Variants in MAPRE2 observed in about 807,000 individuals in gnomAD.
MAPRE2 encodes the protein microtubule associated protein RP/EB family member 2.
In MAPRE2, 13 loss-of-function variants were observed where a neutral mutation model predicts 43.2. The ratio of observed to expected loss-of-function variants is 0.30; its 90% CI spans 0.20 to 0.48. The LOEUF (loss-of-function observed/expected upper bound fraction) is 0.48. MAPRE2 is among the 20% of genes least tolerant of loss of function. The pLI is 0.99. For synonymous variants in MAPRE2, 135 were observed against 148.8 expected, an observed-to-expected ratio of 0.91 and a Z score of 0.68; for missense variants, 161 against 400.2, an observed-to-expected ratio of 0.40 and a Z score of 5.10.
rs986507427 is a variant in MAPRE2 at position 35,131,940 on chromosome 18, T to C, written c.751-92T>C. On this transcript the variant is annotated intron_variant, in intron 5 of 6. Coordinates refer to ENST00000300249, the MANE Select transcript of MAPRE2 (RefSeq NM_014268.4). Reference sequence around the variant, plus strand: ...TTGGTTATTTCTGCTTCTCTCTCTCTCTCTCTTTTGGGTTTTATTCACAGG... The same window carrying C: ...TTGGTTATTTCTGCTTCTCTCTCTCCCTCTCTTTTGGGTTTTATTCACAGG... The C allele has an allele frequency of 3.3e-5, 41 of 1,238,208 alleles. No homozygotes were observed. The Admixed American group carries it at 8.4e-4, about 25-fold the overall frequency. The allele number at this position is 1,238,208 out of a possible 1,614,324, so 76.7% of individuals were successfully genotyped here. A position where few individuals can be genotyped will look rare whatever the true frequency, so the allele number is the denominator to read the frequency against.
intron 2 of MAPRE2, among the ~76,000 whole-genome samples, chr18:35,070,905 C>T (rs1181953216): frequency 6.6e-6 from 1 of 152,122 alleles, no homozygotes; most frequent in Non-Finnish European, 1.5e-5. Flanking sequence ...AAATCTTGCT[C>T]ATACTTTAAA....
intron 1 of MAPRE2, among the ~76,000 whole-genome samples, chr18:34,980,031 C>CTTTTTTTTTTTTTT (rs796434537): frequency 3.2e-3 from 147 of 46,044 alleles, no homozygotes; most frequent in Non-Finnish European, 4.6e-3. Flanking sequence ...TTCTTTTTTT[C>CTTTTTTTTTTTTTT]TTTTTTTTTT....
At chr18:34,978,136 T>C in intron 1 of MAPRE2, 2 of 292,198 alleles carry the variant, frequency 6.8e-6, no homozygotes, top group Non-Finnish European at 6.4e-6. Context: ...ACATTAGCCT[T>C]TCCTTCACCT....
rs1491291926 is a variant in MAPRE2, at chr18:35,077,250, C to CAT, written c.250+6929_250+6930insTA. Among the ~76,000 whole-genome samples the CAT allele has an allele frequency of 1.2e-4, 11 of 89,562 alleles. No individual in the cohort carries two copies. The African/African-American group carries it at 1.3e-3, about 11-fold the overall frequency. The allele number at this position is 89,562 out of a possible 152,430, so 58.8% of individuals were successfully genotyped here. ...ACAGATACGCGCGCGTGCGCGCGCG[C>CAT]ACACACACACACACACACACATACA... On this transcript the variant is annotated intron_variant, in intron 2 of 6. Coordinates refer to ENST00000300249, the MANE Select transcript of MAPRE2 (RefSeq NM_014268.4).
intron 2 of MAPRE2, among the ~76,000 whole-genome samples, chr18:35,080,643 T>A (rs1348758086): frequency 6.6e-6 from 1 of 152,198 alleles, no homozygotes; most frequent in Non-Finnish European, 1.5e-5. Flanking sequence ...CTAACCAATT[T>A]TTTTCTGAAT....
chr18:35,123,727 C>T (rs1909786928), intron 4 of MAPRE2, among the ~76,000 whole-genome samples: 1 of 152,190 alleles, frequency 6.6e-6, no homozygotes. Flanking sequence ...GGCATCAGCT[C>T]CTCAAGCTTC....
At chr18:35,125,328 G>A (rs1430758290) in intron 4 of MAPRE2, among the ~76,000 whole-genome samples, 1 of 152,176 alleles carries the variant, frequency 6.6e-6, no homozygotes, top group African/African-American at 2.4e-5. Context: ...TTCGGCTCTT[G>A]CTAATCTCTT....
At chr18:35,017,794 T>G (rs2097039392) in intron 2 of MAPRE2, among the ~76,000 whole-genome samples, 1 of 151,736 alleles carries the variant, frequency 6.6e-6, no homozygotes, top group African/African-American at 2.4e-5. Flanking sequence ...TGACTTCTTT[T>G]CCTATTTGGA....
At chr18:35,054,569 T>C (rs1332917009) in intron 1 of MAPRE2, among the ~76,000 whole-genome samples, 2 of 152,186 alleles carry the variant, frequency 1.3e-5, no homozygotes, top group Non-Finnish European at 2.9e-5. Context: ...AAGGATCCCT[T>C]GAGAGTTGCG....
In MAPRE2 at chr18:35,075,003, A is replaced by G. The variant is rs144067105; in HGVS notation, c.250+4681A>G. Among the ~76,000 whole-genome samples, 539 of 152,324 alleles carry G rather than the reference A, an allele frequency of 3.5e-3. 4 individuals carry two copies. The highest frequency in any genetic ancestry group is 0.012 in the African/African-American group (508 of 41,570). ...TTGCTTTAAAAAAAAGAAAGAGAAA[A>G]TGATCAGGATTTGATTCAGTTTCAA... On this transcript the variant is annotated intron_variant, in intron 2 of 6. Transcript: ENST00000300249.
rs578237977 is a variant in MAPRE2 at position 35,067,621 on chromosome 18, A to G, written c.123-2574A>G. ...TTTCATCTCAATTTGGTTTGGTGCC[A>G]TCTAGCATAACCCTGGGCCTCGACA... On this transcript the variant is annotated intron_variant, in intron 1 of 6. Transcript: ENST00000300249. Among the ~76,000 whole-genome samples, 80 of 152,196 alleles carry G rather than the reference A, an allele frequency of 5.3e-4. 1 individual carries two copies. The South Asian group carries it at 0.016, about 31-fold the overall frequency.
intron 1 of MAPRE2, among the ~76,000 whole-genome samples, chr18:34,981,077 A>G (rs1443173770): frequency 6.6e-6 from 1 of 151,914 alleles, no homozygotes; most frequent in Non-Finnish European, 1.5e-5. Context: ...AAATGTTAAC[A>G]CCTTTTTGGG....
chr18:35,001,934 A>G (rs543960827), intron 1 of MAPRE2, among the ~76,000 whole-genome samples: 3 of 152,340 alleles, frequency 2.0e-5, no homozygotes, highest in South Asian at 4.1e-4. Flanking sequence ...GAGAGATCCC[A>G]TATATTCTTT....
chr18:35,121,196 A>G (rs1012755311), intron 4 of MAPRE2, among the ~76,000 whole-genome samples: 1 of 152,186 alleles, frequency 6.6e-6, no homozygotes, highest in African/African-American at 2.4e-5. Flanking sequence ...TGGGCCTCAT[A>G]TGCCCAACTT....
rs1157057288 is a variant in MAPRE2 at position 35,142,202 on chromosome 18, T to TTACACACAC, written c.*1835_*1836insCACACACTA. 1 of 152,278 alleles carries TTACACACAC rather than the reference T, an allele frequency of 6.6e-6. No individual in the cohort carries two copies. The highest frequency in any genetic ancestry group is 2.4e-5 in the African/African-American group (1 of 41,468). 9.4% of individuals were successfully genotyped at this position (152,278 alleles called of 1,614,324 possible). ...GGCTGTGCTATACCCAGCATCATGC[T>TTACACACAC]TAACAGCGTGTTGCCCTTCTGAGCC... On this transcript the variant is annotated 3_prime_UTR_variant, in exon 7 of 7. Transcript: ENST00000300249.
intron 5 of MAPRE2, among the ~76,000 whole-genome samples, chr18:35,131,721 C>A (rs1425467561): frequency 6.6e-6 from 1 of 152,102 alleles, no homozygotes; most frequent in African/African-American, 2.4e-5. Context: ...TGTGTTCCAG[C>A]CTATGTTAGC....
chr18:35,118,949 A>G (rs1032996459), intron 4 of MAPRE2, among the ~76,000 whole-genome samples: 3 of 151,920 alleles, frequency 2.0e-5, no homozygotes, highest in Non-Finnish European at 4.4e-5. Flanking sequence ...CAGGTCTCAC[A>G]CTTACTGTGA....
chr18:35,124,538 T>G (rs1909823454), intron 4 of MAPRE2, among the ~76,000 whole-genome samples: 1 of 152,190 alleles, frequency 6.6e-6, no homozygotes, highest in Non-Finnish European at 1.5e-5. Flanking sequence ...TGTTGCTCTG[T>G]GTGAGACTGA....
At chr18:35,084,615 G>A (rs1012238579) in intron 2 of MAPRE2, among the ~76,000 whole-genome samples, 7 of 152,190 alleles carry the variant, frequency 4.6e-5, no homozygotes, top group Admixed American at 3.3e-4. Flanking sequence ...TGTGTTCAAG[G>A]GAAAAGATGG....
Sources: allele counts gnomAD v4.1 joint callset (sites outside exome capture counted in the v4.1 genomes callset), GRCh38; gene constraint gnomAD v4.1.1; transcripts MANE v1.5; gene names NCBI Gene and HGNC (gene_info 2026-07-23, HGNC 2026-07-21).